The following PCM1 variants were observed in gnomAD, a reference collection of about 807,000 sequenced individuals.
PCM1 encodes the protein pericentriolar material 1.
A neutral mutation model predicts 241.9 loss-of-function variants in PCM1; 157 were observed. The ratio of observed to expected loss-of-function variants is 0.65; its 90% confidence interval spans 0.57 to 0.74. PCM1 has a LOEUF of 0.74. Among genes scored for constraint, PCM1 ranks in the 30% least tolerant of loss-of-function variants. The pLI is 0.00. For synonymous variants in PCM1, 1,085 were observed against 784.9 expected (o/e 1.38, Z -6.39); for missense variants, 3,478 against 2,360.1 (o/e 1.47, Z -9.81).
At chr8:17,951,923 A>T (rs1278588073) in intron 8 of PCM1, among the ~76,000 whole-genome samples, 6 of 151,992 alleles carry the variant, frequency 3.9e-5, no homozygotes, top group African/African-American at 7.3e-5. Flanking sequence ...TTTCATAATT[A>T]AAAAAAATTT....
At chr8:17,989,103 A>G (rs2083588914) in intron 26 of PCM1, among the ~76,000 whole-genome samples, 1 of 152,032 alleles carries the variant, frequency 6.6e-6, no homozygotes, top group Non-Finnish European at 1.5e-5. Context: ...AATACTGTGC[A>G]GCCATTAAAA....
intron 36 of PCM1, chr8:18,015,829 T>TGGGTAAGTCCC (rs1257100373): frequency 1.3e-5 from 2 of 152,240 alleles, no homozygotes; most frequent in African/African-American, 4.8e-5. Context: ...CTGGAGGTCC[T>TGGGTAAGTCCC]GGGTAAGTCC....
At chr8:17,969,474 G>T in intron 21 of PCM1, 103 bp from the exon 22 acceptor site, 1 of 835,528 alleles carries the variant, frequency 1.2e-6, no homozygotes, top group Non-Finnish European at 1.9e-6. Flanking sequence ...TTTTTGTTTT[G>T]GTGGATTTGA....
intron 33 of PCM1, 26 bp downstream of exon 33, chr8:18,011,392 T>TG (rs57352115): frequency 1.3e-6 from 2 of 1,511,248 alleles, no homozygotes; most frequent in African/African-American, 2.8e-5. Context: ...CTGTACTATC[T>TG]TTATACTTTA....
intron 24 of PCM1, among the ~76,000 whole-genome samples, chr8:17,982,155 G>T (rs970556895): frequency 1.3e-5 from 2 of 152,272 alleles, no homozygotes; most frequent in South Asian, 4.1e-4. Flanking sequence ...GAACTTAGAA[G>T]CTGGGCTTCT....
chr8:17,993,416 A>G, intron 28 of PCM1, 67 bp from the exon 29 acceptor site: 1 of 1,055,840 alleles, frequency 9.5e-7, no homozygotes, highest in Non-Finnish European at 1.3e-6. Flanking sequence ...TCAAATTTCA[A>G]CATAAAGGCA....
chr8:17,959,116 A>G (rs544772180), intron 13 of PCM1, among the ~76,000 whole-genome samples: 1 of 152,148 alleles, frequency 6.6e-6, no homozygotes, highest in African/African-American at 2.4e-5. Context: ...CTATGCACCT[A>G]TTTTTAAAAA....
rs368030605 is a variant in PCM1, at chr8:17,930,452, T to A, written c.-22-5137T>A. On this transcript the variant is annotated intron_variant, in intron 2 of 38. Coordinates refer to ENST00000325083, the MANE Select transcript of PCM1 (RefSeq NM_006197.4). Reference sequence around the variant, plus strand: ...GTAAGTACTAGTTTATATTAATGTGTTTACAGAATAAAATTTAGAAGGCAG... The same window carrying A: ...GTAAGTACTAGTTTATATTAATGTGATTACAGAATAAAATTTAGAAGGCAG... Among the ~76,000 whole-genome samples the A allele has an allele frequency of 3.3e-5, 5 of 152,146 alleles. No homozygotes were observed. In the East Asian group the frequency reaches 9.6e-4, roughly 29 times the overall value.
At chr8:18,004,748 T>C (rs1465607687) in intron 29 of PCM1, among the ~76,000 whole-genome samples, 1 of 152,218 alleles carries the variant, frequency 6.6e-6, no homozygotes, top group Non-Finnish European at 1.5e-5. Context: ...GTCAAAAATG[T>C]ATTCTCCTCC....
chr8:17,928,368 C>A (rs2057811008), intron 2 of PCM1, among the ~76,000 whole-genome samples: 1 of 152,192 alleles, frequency 6.6e-6, no homozygotes, highest in Non-Finnish European at 1.5e-5. Flanking sequence ...CTCACCCTCA[C>A]ATTTAATGTA....
intron 24 of PCM1, chr8:17,982,405 TGA>T: frequency 6.6e-6 from 1 of 152,140 alleles, no homozygotes; most frequent in Non-Finnish European, 1.5e-5. Flanking sequence ...TGTTACTTAG[TGA>T]AATATAATGA....
chr8:17,953,057 G>A lies in PCM1; in HGVS notation c.1159G>A (p.Glu387Lys), dbSNP rs756577046. The part of the protein sequence containing the change: ...VSQSRKPSAS[E>K]RLPDEKVELF... The stretch of plus-strand genomic sequence containing the variant: ...CCAGAGCAGGAAACCATCAGCTTCA[G>A]AACGTTTACCTGATGAGAAAGTCGA... The change falls in exon 9 of 39, where the codon GAA (glutamate) becomes AAA (lysine). Residue 387 changes from glutamate (E) to lysine (K), a missense_variant. By Grantham distance (56) the Glu-to-Lys change is moderately conservative (BLOSUM62 1). Transcript: ENST00000325083. 4 of 1,606,826 alleles carry A rather than the reference G, an allele frequency of 2.5e-6. No individual in the cohort carries two copies. In the Admixed American group the frequency reaches 6.8e-5, roughly 27 times the overall value.
At chr8:17,923,742 AG>A (rs2055592706) in intron 1 of PCM1, among the ~76,000 whole-genome samples, 1 of 151,208 alleles carries the variant, frequency 6.6e-6, no homozygotes, top group African/African-American at 2.4e-5. Flanking sequence ...GTGCTGTGGG[AG>A]CCGATGGGCC....
intron 8 of PCM1, 86 bp downstream of exon 8, chr8:17,950,810 C>T (rs1361874560): frequency 7.8e-6 from 6 of 767,084 alleles, no homozygotes; most frequent in Non-Finnish European, 1.3e-5. Context: ...GCATACATAT[C>T]ACCTGGCATG....
intron 29 of PCM1, among the ~76,000 whole-genome samples, chr8:18,002,016 T>C (rs2089675689): frequency 1.2e-5 from 1 of 80,546 alleles, no homozygotes; most frequent in East Asian, 4.6e-4. Flanking sequence ...TTTTTTTTTT[T>C]TTTTTTTTTT....
At chr8:18,006,662 TCTC>T (rs1365598902) in intron 30 of PCM1, among the ~76,000 whole-genome samples, 1 of 152,232 alleles carries the variant, frequency 6.6e-6, no homozygotes, top group Non-Finnish European at 1.5e-5. Context: ...TGGTTTATCT[TCTC>T]ACTGAAAACA....
intron 23 of PCM1, among the ~76,000 whole-genome samples, chr8:17,978,263 T>C (rs1473492772): frequency 1.3e-5 from 2 of 151,906 alleles, no homozygotes; most frequent in African/African-American, 2.4e-5. Flanking sequence ...ATTAGAGACT[T>C]ACAAGAAGTT....
At position 17,935,622 on chromosome 8, in the gene PCM1, A is replaced by AGG; in HGVS notation, c.13_14dup (p.Gly6GlufsTer8). ...TTGTTAAATCCAGTATGGCCACAGG[A>AGG]GGAGGTCCCTTTGAAGATGGCATGA... On this transcript the variant is annotated frameshift_variant, in exon 3 of 39. Transcript: ENST00000325083. LOFTEE classifies it high-confidence loss of function. 1 of 1,505,028 alleles carries AGG rather than the reference A, an allele frequency of 6.6e-7. No homozygotes were observed. The highest frequency in any genetic ancestry group is 1.7e-5 in the Admixed American group (1 of 59,722). The allele number at this position is 1,505,028 out of a possible 1,614,324, so 93.2% of individuals were successfully genotyped here. A position where few individuals can be genotyped will look rare whatever the true frequency, so the allele number is the denominator to read the frequency against.
Position 17,947,289 on chromosome 8 carries a change from T to G in PCM1, c.887T>G (p.Leu296Arg), listed in dbSNP as rs200963357. Reference protein sequence around the residue: ...MLQQQEQLRALQGRQAALLAL... With the variant: ...MLQQQEQLRARQGRQAALLAL... ...CAACAGCAGGAGCAACTAAGAGCTC[T>G]ACAGGGACGGCAGGCTGCACTTCTA... is the stretch of plus-strand genomic sequence containing the variant. The change falls in exon 7 of 39, where the codon CTA (leucine) becomes CGA (arginine). Residue 296 changes from leucine (L) to arginine (R), a missense_variant. Physicochemically the swap from Leu to Arg is moderately radical, Grantham distance 102. Coordinates refer to ENST00000325083, the MANE Select transcript of PCM1 (RefSeq NM_006197.4). 2.3e-4 allele frequency: 376 copies of G among 1,612,760 alleles called. No individual in the cohort carries two copies. Among genetic ancestry groups the G allele is most frequent in the Non-Finnish European group, 3.1e-4 (362 of 1,178,972 alleles).
Sources: allele counts gnomAD v4.1 joint callset (sites outside exome capture counted in the v4.1 genomes callset), GRCh38; gene constraint gnomAD v4.1.1; transcripts MANE v1.5; gene names NCBI Gene and HGNC (gene_info 2026-07-23, HGNC 2026-07-21).